Variants in CDH13 observed in about 807,000 individuals in gnomAD.
The protein encoded by CDH13 is cadherin 13.
CDH13 carries 24 observed loss-of-function variants against 63.8 expected under a neutral mutation model. The observed-to-expected ratio is 0.38, with a 90% confidence interval of 0.27 to 0.53. The LOEUF is 0.53. Among genes scored for constraint, CDH13 ranks in the 20% least tolerant of loss-of-function variants. The pLI is 0.85. For synonymous variants in CDH13, 503 were observed against 355.3 expected (o/e 1.42, Z -4.67); for missense variants, 1,049 against 903.1 (o/e 1.16, Z -2.07).
At chr16:82,721,963 T>C (rs973289523) in intron 1 of CDH13, among the ~76,000 whole-genome samples, 2 of 152,118 alleles carry the variant, frequency 1.3e-5, no homozygotes, top group African/African-American at 4.8e-5. Context: ...TGTCACATGC[T>C]TGAGTTCTGT....
intron 1 of CDH13, among the ~76,000 whole-genome samples, chr16:82,847,584 G>A (rs2039313939): frequency 6.6e-6 from 1 of 152,164 alleles, no homozygotes; most frequent in Non-Finnish European, 1.5e-5. Context: ...ACATAATCCA[G>A]GATAAGCATG....
intron 3 of CDH13, among the ~76,000 whole-genome samples, chr16:83,069,226 T>C (rs1181159000): frequency 6.6e-6 from 1 of 152,236 alleles, no homozygotes; most frequent in Non-Finnish European, 1.5e-5. Context: ...GTCATTCAGA[T>C]GAGGCCACCC....
chr16:83,473,514 G>T (rs1197961268), intron 6 of CDH13, among the ~76,000 whole-genome samples: 1 of 152,124 alleles, frequency 6.6e-6, no homozygotes, highest in Non-Finnish European at 1.5e-5. Context: ...CTTCAGCCAG[G>T]TCACTTACCT....
intron 5 of CDH13, among the ~76,000 whole-genome samples, chr16:83,256,431 C>T (rs1597605398): frequency 6.6e-6 from 1 of 152,042 alleles, no homozygotes; most frequent in Non-Finnish European, 1.5e-5. Flanking sequence ...ATTGTCAGCT[C>T]AGAGTTCTAA....
At chr16:82,961,028 AG>A (rs1906900691) in intron 2 of CDH13, among the ~76,000 whole-genome samples, 1 of 152,184 alleles carries the variant, frequency 6.6e-6, no homozygotes. Flanking sequence ...GCTACAGTTG[AG>A]GGCCAAAGCA....
At chr16:83,441,466 G>C (rs1437084545) in intron 6 of CDH13, among the ~76,000 whole-genome samples, 1 of 152,176 alleles carries the variant, frequency 6.6e-6, no homozygotes, top group Non-Finnish European at 1.5e-5. Flanking sequence ...GGTAGAATTA[G>C]GGATGGTTTT....
rs753735145 is a variant in CDH13, at chr16:83,268,443, T to C, written c.636+50946T>C. Among the ~76,000 whole-genome samples, 29 of 152,216 alleles carry C rather than the reference T, an allele frequency of 1.9e-4. 1 individual carries two copies. The highest frequency in any genetic ancestry group is 3.2e-4 in the Non-Finnish European group (22 of 68,046). ...AGTTGTTACTACAGTTACCACATTT[T>C]TTCCAAACCAGCAGTCAGCATACAC... is the stretch of plus-strand genomic sequence containing the variant. On this transcript the variant is annotated intron_variant, in intron 5 of 13. Transcript: ENST00000567109.
intron 1 of CDH13, among the ~76,000 whole-genome samples, chr16:82,702,023 G>A (rs542299687): frequency 1.5e-4 from 23 of 152,148 alleles, no homozygotes; most frequent in Non-Finnish European, 1.8e-4. Context: ...GTTGCTTATG[G>A]CACTCAAGGT....
chr16:83,643,817 C>G (rs1038852159), intron 8 of CDH13, among the ~76,000 whole-genome samples: 2 of 152,184 alleles, frequency 1.3e-5, no homozygotes, highest in Non-Finnish European at 2.9e-5. Context: ...TAATGTCAAA[C>G]ATGTCAACAG....
intron 1 of CDH13, among the ~76,000 whole-genome samples, chr16:82,630,052 C>G (rs1425177605): frequency 6.6e-6 from 1 of 152,134 alleles, no homozygotes; most frequent in Non-Finnish European, 1.5e-5. Context: ...TGAGATTTCG[C>G]TATAAAGTGG....
At position 83,616,890 on chromosome 16, in the gene CDH13, G is replaced by T. The variant is rs75443413; in HGVS notation, c.1101+14296G>T. ...ACACGGGAGCTCTGTTTACCCCTAC[G>T]TGCCAAGCTTTGGCATGTCTTTGTG... On this transcript the variant is annotated intron_variant, in intron 8 of 13. Coordinates refer to ENST00000567109, the MANE Select transcript of CDH13 (RefSeq NM_001257.5). Among the ~76,000 whole-genome samples, 3 of 152,108 alleles carry T rather than the reference G, an allele frequency of 2.0e-5. No individual in the cohort carries two copies. In the East Asian group the frequency reaches 5.8e-4, roughly 29 times the overall value.
intron 4 of CDH13, among the ~76,000 whole-genome samples, chr16:83,162,283 G>C (rs2037481696): frequency 1.3e-5 from 2 of 151,916 alleles, no homozygotes; most frequent in Admixed American, 1.3e-4. Context: ...TTAGCATCTT[G>C]TCGTCATCAT....
chr16:83,155,304 C>T (rs1489572558), intron 4 of CDH13, among the ~76,000 whole-genome samples: 1 of 152,114 alleles, frequency 6.6e-6, no homozygotes, highest in Non-Finnish European at 1.5e-5. Context: ...GCAAAAATTG[C>T]ATGGTGTCAA....
At chr16:83,253,616 C>A (rs1443202191) in intron 5 of CDH13, among the ~76,000 whole-genome samples, 1 of 152,174 alleles carries the variant, frequency 6.6e-6, no homozygotes, top group Non-Finnish European at 1.5e-5. Flanking sequence ...AGCCTGGTTG[C>A]CCTCCAGGTG....
chr16:83,302,499 A>G (rs2089772734), intron 5 of CDH13, among the ~76,000 whole-genome samples: 1 of 152,224 alleles, frequency 6.6e-6, no homozygotes, highest in South Asian at 2.1e-4. Context: ...CTTATATTCT[A>G]GAAAATAAAT....
chr16:83,259,644 T>A (rs534157478), intron 5 of CDH13, among the ~76,000 whole-genome samples: 4 of 152,190 alleles, frequency 2.6e-5, no homozygotes, highest in African/African-American at 9.7e-5. Flanking sequence ...GTCTCAAATT[T>A]TTTTTTATTT....
At position 83,697,228 on chromosome 16, in the gene CDH13, G is replaced by T. The variant is rs189434284; in HGVS notation, c.1538+18767G>T. Among the ~76,000 whole-genome samples, 212 of 152,282 alleles carry T rather than the reference G, an allele frequency of 1.4e-3. 1 individual carries two copies. The highest frequency in any genetic ancestry group is 4.7e-3 in the African/African-American group (195 of 41,556). On this transcript the variant is annotated intron_variant, in intron 10 of 13. Coordinates refer to ENST00000567109, the MANE Select transcript of CDH13 (RefSeq NM_001257.5). ...AGGGAAAAATTTGAGTTCACCTGACGTGCACATTCACAGTTGAGCTCAAAC... is the reference window on the plus strand; with the variant it reads ...AGGGAAAAATTTGAGTTCACCTGACTTGCACATTCACAGTTGAGCTCAAAC...
intron 6 of CDH13, among the ~76,000 whole-genome samples, chr16:83,409,401 G>A (rs1187263127): frequency 3.9e-5 from 6 of 152,190 alleles, no homozygotes; most frequent in Non-Finnish European, 1.5e-5. Flanking sequence ...ACGGGGCAAT[G>A]GTAGTTGTCT....
intron 10 of CDH13, among the ~76,000 whole-genome samples, chr16:83,709,575 G>A (rs975163739): frequency 5.3e-5 from 8 of 152,180 alleles, no homozygotes; most frequent in African/African-American, 1.9e-4. Flanking sequence ...CAAACACCCT[G>A]TAAACATGTA....
Sources: gnomAD v4.1 joint callset for allele counts (sites outside exome capture counted in the v4.1 genomes callset) on GRCh38, gnomAD v4.1.1 for gene constraint, MANE v1.5 for transcripts, NCBI Gene and HGNC (gene_info 2026-07-23, HGNC 2026-07-21) for gene names.